CYB5R2: variants seen among roughly 807,000 people sequenced by gnomAD.
CYB5R2 encodes the protein NADH-cytochrome b5 reductase 2.
Under a neutral mutation model 29.8 loss-of-function variants are expected in CYB5R2, and 35 were observed. That is an observed-to-expected ratio of 1.17 (90% CI 0.90 to 1.56). The LOEUF is 1.56. Among genes scored for constraint, CYB5R2 ranks in the 40% most tolerant of loss-of-function variants. The pLI is 0.00. For synonymous variants in CYB5R2, 169 were observed against 130.6 expected (o/e 1.29, Z -2.01); for missense variants, 419 against 346.7 (o/e 1.21, Z -1.66).
rs1855031704 is a variant in CYB5R2 at position 7,665,222 on chromosome 11, G to C, written c.*152C>G. The C allele has an allele frequency of 3.1e-6, 2 of 638,122 alleles. No homozygotes were observed. The highest frequency in any genetic ancestry group is 2.9e-5 in the South Asian group (1 of 34,770). The allele number at this position is 638,122 out of a possible 1,614,324, so 39.5% of individuals were successfully genotyped here. A position where few individuals can be genotyped will look rare whatever the true frequency, so the allele number is the denominator to read the frequency against. On this transcript the variant is annotated 3_prime_UTR_variant, in exon 9 of 9. Coordinates refer to ENST00000299498, the MANE Select transcript of CYB5R2 (RefSeq NM_016229.5). The stretch of plus-strand genomic sequence containing the variant: ...GTCTCCAGCCCCTTGAGCCCTTTTT[G>C]TTAGGCCCACACCCAAAAGAGGAGA...
rs1855032647 is a variant in CYB5R2, at chr11:7,665,234, C to G, written c.*140G>C. Reference sequence around the variant, plus strand: ...TTGAGCCCTTTTTGTTAGGCCCACACCCAAAAGAGGAGAACCAGTGTGTGC... The same window carrying G: ...TTGAGCCCTTTTTGTTAGGCCCACAGCCAAAAGAGGAGAACCAGTGTGTGC... On this transcript the variant is annotated 3_prime_UTR_variant, in exon 9 of 9. Transcript: ENST00000299498. 1.4e-6 allele frequency: 1 copy of G among 728,286 alleles called. No individual in the cohort carries two copies. The highest frequency in any genetic ancestry group is 2.7e-4 in the Middle Eastern group (1 of 3,748). 45.1% of individuals were successfully genotyped at this position (728,286 alleles called of 1,614,324 possible). A position where few individuals can be genotyped will look rare whatever the true frequency, so the allele number is the denominator to read the frequency against.
chr11:7,668,721 A>G, intron 5 of CYB5R2, 160 bp from the exon 6 acceptor site: 3 of 677,056 alleles, frequency 4.4e-6, no homozygotes, highest in Non-Finnish European at 5.3e-6. Context: ...CTCCTCAGCT[A>G]GCCCTGGTGC....
chr11:7,669,304 G>C lies in CYB5R2; in HGVS notation c.289C>G (p.Pro97Ala). 6.2e-7 allele frequency: 1 copy of C among 1,613,534 alleles called. No individual in the cohort carries two copies. Among genetic ancestry groups the C allele is most frequent in the Non-Finnish European group, 8.5e-7 (1 of 1,179,702 alleles). The change falls in exon 5 of 9, where the codon CCT becomes GCT. Residue 97 changes from proline (P) to alanine (A), a missense_variant. Pro to Ala is a conservative substitution (Grantham distance 27). Coordinates refer to ENST00000299498, the MANE Select transcript of CYB5R2 (RefSeq NM_016229.5). ...IYFKNVHPQY[P>A]EGGKMTQYLE... Reference sequence around the variant, plus strand: ...TACTGAGTCATCTTCCCACCTTCAGGATATTGGGGGTGTACATTTTTGAAG... The same window carrying C: ...TACTGAGTCATCTTCCCACCTTCAGCATATTGGGGGTGTACATTTTTGAAG...
At chr11:7,665,955 G>C (rs1406625949) in intron 8 of CYB5R2, 12 of 1,527,664 alleles carry the variant, frequency 7.9e-6, no homozygotes, top group Non-Finnish European at 9.7e-6. Flanking sequence ...TGACAAGCAG[G>C]TACAGCCGGG....
Position 7,672,459 on chromosome 11 carries a change from A to G in CYB5R2, c.143T>C (p.Leu48Pro), listed in dbSNP as rs1855807370. 1 of 1,614,196 alleles carries G rather than the reference A, an allele frequency of 6.2e-7. No individual in the cohort carries two copies. Among genetic ancestry groups the G allele is most frequent in the African/African-American group, 1.3e-5 (1 of 75,068 alleles). ...GLPSPDHVLGLPVGNYVQLLA... is the reference protein window; with the variant it reads ...GLPSPDHVLGPPVGNYVQLLA... ...ACCCAAGCCCGGCTCACCTACAGGAAGCCCTAAGACATGGTCCGGCGAAGG... is the reference window on the plus strand; with the variant it reads ...ACCCAAGCCCGGCTCACCTACAGGAGGCCCTAAGACATGGTCCGGCGAAGG... The change falls in exon 3 of 9, where the codon CTT becomes CCT. Residue 48 changes from leucine (L) to proline (P), a missense_variant. Transcript: ENST00000299498.
chr11:7,667,223 G>GC (rs1430727992), intron 7 of CYB5R2: 3 of 151,906 alleles, frequency 2.0e-5, no homozygotes, highest in African/African-American at 7.3e-5. Flanking sequence ...ACTGAAAACA[G>GC]CCTGAATGTG....
intron 7 of CYB5R2, 162 bp from the exon 8 acceptor site, chr11:7,666,712 A>C: frequency 7.3e-6 from 4 of 548,894 alleles, no homozygotes; most frequent in Non-Finnish European, 1.3e-5. Context: ...GCTGCTCCTG[A>C]AGCTCAAACC....
chr11:7,674,118 T>G, upstream of CYB5R2: 1 of 1,207,746 alleles, frequency 8.3e-7, no homozygotes, highest in Non-Finnish European at 1.1e-6. Context: ...TTACTTAAGC[T>G]CGGCAAGGCT....
chr11:7,672,588 G>A, intron 2 of CYB5R2, 65 bp from the exon 3 acceptor site: 9 of 1,552,554 alleles, frequency 5.8e-6, no homozygotes, highest in Non-Finnish European at 8.0e-6. Context: ...CAGCTGAGAT[G>A]CCTGGGAAAG....
intron 8 of CYB5R2, chr11:7,665,915 G>A (rs67173996): frequency 0.12 from 181,599 of 1,535,554 alleles, 14,322 homozygotes; most frequent in East Asian, 0.5. Context: ...GCTCAGTAGG[G>A]TAGCGCCCTC....
intron 3 of CYB5R2, chr11:7,671,471 T>C (rs912115075): frequency 1.3e-5 from 2 of 152,282 alleles, no homozygotes; most frequent in Admixed American, 6.5e-5. Flanking sequence ...CAATTCTCTA[T>C]CTCAAAGTTT....
At chr11:7,673,193 A>G (rs1324608132) in intron 1 of CYB5R2, 2 of 395,408 alleles carry the variant, frequency 5.1e-6, no homozygotes, top group African/African-American at 2.1e-5. Flanking sequence ...CCAAAGGTTC[A>G]TACACTGGAA....
intron 3 of CYB5R2, chr11:7,671,883 G>GTCCC (rs1855763745): frequency 6.5e-6 from 1 of 152,908 alleles, no homozygotes; most frequent in East Asian, 1.9e-4. Flanking sequence ...CGTAGGGCTG[G>GTCCC]TCCCTCCTTA....
chr11:7,667,031 G>T (rs887901568), intron 7 of CYB5R2: 1 of 152,480 alleles, frequency 6.6e-6, no homozygotes, highest in Non-Finnish European at 1.5e-5. Context: ...CCCATTTGGG[G>T]GAAAGGGAAC....
rs769913638 is a variant in CYB5R2 at position 7,668,546 on chromosome 11, C to G, written c.404G>C (p.Arg135Thr). Reference protein sequence around the residue: ...FYHGPGNLGIRPDQTSEPKKT... With the variant: ...FYHGPGNLGITPDQTSEPKKT... ...TTTAGGCTCACTCGTCTGGTCTGGT[C>G]TGATTCCAAGATTCCCTGGAAACAC... Residue 135 changes from arginine (R) to threonine (T), a missense_variant, in exon 6 of 9, where the codon AGA (arginine) becomes ACA (threonine). Arg to Thr is a moderately conservative substitution (Grantham distance 71). Coordinates refer to ENST00000299498, the MANE Select transcript of CYB5R2 (RefSeq NM_016229.5). 2.0e-5 allele frequency: 33 copies of G among 1,613,878 alleles called. No individual in the cohort carries two copies.
At position 7,673,464 on chromosome 11, in the gene CYB5R2, A is replaced by G. The variant is rs1257748924; in HGVS notation, c.-112T>C. ...CTCTCCCAACTCAAGCCCGACAGGG[A>G]AAGTTGCCTCTCCTCCCGCCGGGTC... On this transcript the variant is annotated 5_prime_UTR_variant, in exon 1 of 9. Transcript: ENST00000299498. 6 of 986,218 alleles carry G rather than the reference A, an allele frequency of 6.1e-6. No homozygotes were observed. Among genetic ancestry groups the G allele is most frequent in the Non-Finnish European group, 7.2e-6 (6 of 830,674 alleles). The allele number at this position is 986,218 out of a possible 1,614,324, so 61.1% of individuals were successfully genotyped here.
intron 7 of CYB5R2, 43 bp downstream of exon 7, chr11:7,667,685 G>T: frequency 6.5e-7 from 1 of 1,526,942 alleles, no homozygotes; most frequent in Non-Finnish European, 9.1e-7. Flanking sequence ...GCCCAGCTCA[G>T]CAAACATTCC....
chr11:7,669,177 G>A lies in CYB5R2; in HGVS notation c.388+28C>T, dbSNP rs779126801. 4 of 1,613,994 alleles carry A rather than the reference G, an allele frequency of 2.5e-6. No homozygotes were observed. The Admixed American group carries it at 5.0e-5, about 20-fold the overall frequency. Reference sequence around the variant, plus strand: ...ATTGCAGGAATCTTCCTCCCAGCTGGGAGCCCAAGTATTAACCCCTCCAGT... The same window carrying A: ...ATTGCAGGAATCTTCCTCCCAGCTGAGAGCCCAAGTATTAACCCCTCCAGT... On this transcript the variant is annotated intron_variant, in intron 5 of 8. Coordinates refer to ENST00000299498, the MANE Select transcript of CYB5R2 (RefSeq NM_016229.5).
intron 1 of CYB5R2, chr11:7,673,141 T>C (rs1855864530): frequency 2.4e-6 from 1 of 417,890 alleles, no homozygotes; most frequent in Non-Finnish European, 4.4e-6. Context: ...GCAGCACACA[T>C]GGCCTGGGGT....
Sources: gnomAD v4.1 joint callset for allele counts on GRCh38, gnomAD v4.1.1 for gene constraint, MANE v1.5 for transcripts, NCBI Gene and HGNC (gene_info 2026-07-23, HGNC 2026-07-21) for gene names.